Variants in EPB41L5 observed in about 807,000 individuals in gnomAD.
EPB41L5 encodes the protein band 4.1-like protein 5.
EPB41L5 carries 55 observed loss-of-function variants against 106.6 expected under a neutral mutation model. The observed-to-expected ratio is 0.52, with a 90% CI of 0.42 to 0.65. The LOEUF is 0.65. Among genes scored for constraint, EPB41L5 ranks in the 30% least tolerant of loss-of-function variants. EPB41L5 has a pLI of 0.00. For synonymous variants in EPB41L5, 297 were observed against 306.7 expected (o/e 0.97, Z 0.33); for missense variants, 871 against 882.1 (o/e 0.99, Z 0.16).
rs918646541 is a variant in EPB41L5 at position 120,175,728 on chromosome 2, G to A, written c.*821G>A. The A allele has an allele frequency of 6.6e-6, 1 of 152,076 alleles. No homozygotes were observed. Among genetic ancestry groups the A allele is most frequent in the African/African-American group, 2.4e-5 (1 of 41,394 alleles). 9.4% of individuals were successfully genotyped at this position (152,076 alleles called of 1,614,324 possible). ...CAGGCATCTGCACTCCTCCGAGCCC[G>A]GTGGAGAATGCAGGCTGCTGTAGTC... is the stretch of plus-strand genomic sequence containing the variant. On this transcript the variant is annotated 3_prime_UTR_variant, in exon 25 of 25. Transcript: ENST00000263713.
intron 21 of EPB41L5, among the ~76,000 whole-genome samples, chr2:120,163,773 A>G (rs866095627): frequency 5.3e-5 from 8 of 151,356 alleles, no homozygotes; most frequent in Middle Eastern, 3.4e-3. Context: ...TGGGCAACAT[A>G]AGTGAGACCC....
chr2:120,174,756 GCT>G lies in EPB41L5; in HGVS notation c.2136-82_2136-81del, dbSNP rs1474488156. The G allele has an allele frequency of 6.2e-6, 7 of 1,134,208 alleles. No homozygotes were observed. In the African/African-American group the frequency reaches 9.2e-5, roughly 15 times the overall value. 70.3% of individuals were successfully genotyped at this position (1,134,208 alleles called of 1,614,324 possible). On this transcript the variant is annotated intron_variant, in intron 24 of 24. Coordinates refer to ENST00000263713, the MANE Select transcript of EPB41L5 (RefSeq NM_020909.4). ...CTGTAATCTGCTGTACCCTCAAAAT[GCT>G]CTGTGTGGCACTAATGGAGACATGA...
At chr2:120,171,691 C>G (rs1051830011) in intron 24 of EPB41L5, among the ~76,000 whole-genome samples, 5 of 152,206 alleles carry the variant, frequency 3.3e-5, no homozygotes, top group African/African-American at 1.2e-4. Flanking sequence ...ATTTTTGGAT[C>G]CTCTGATGAA....
chr2:120,054,215 T>A (rs913061379), intron 3 of EPB41L5, among the ~76,000 whole-genome samples: 9 of 152,230 alleles, frequency 5.9e-5, no homozygotes, highest in African/African-American at 2.2e-4. Flanking sequence ...TTTGGAGAAA[T>A]GTCTATTCAG....
At chr2:120,143,178 G>A (rs1357948177) in intron 19 of EPB41L5, 47 bp downstream of exon 19, 1 of 1,493,680 alleles carries the variant, frequency 6.7e-7, no homozygotes, top group South Asian at 1.4e-5. Flanking sequence ...AATGAGCATG[G>A]GATGTAGAGA....
chr2:120,051,265 G>GAGGC (rs1680263440), intron 3 of EPB41L5, among the ~76,000 whole-genome samples: 2 of 152,208 alleles, frequency 1.3e-5, no homozygotes, highest in South Asian at 4.1e-4. Flanking sequence ...GGAGTCTACA[G>GAGGC]AGGCAGGCAG....
chr2:120,067,260 T>A (rs1327808819), intron 3 of EPB41L5, among the ~76,000 whole-genome samples: 1 of 152,250 alleles, frequency 6.6e-6, no homozygotes, highest in East Asian at 1.9e-4. Context: ...TTCAGTGAAT[T>A]GCACTTTTGG....
In EPB41L5 at chr2:120,050,447, A is replaced by G. The variant is rs143018169; in HGVS notation, c.285+8337A>G. Among the ~76,000 whole-genome samples the G allele has an allele frequency of 2.6e-5, 4 of 152,296 alleles. No individual in the cohort carries two copies. In the East Asian group the frequency reaches 7.7e-4, roughly 29 times the overall value. On this transcript the variant is annotated intron_variant, in intron 3 of 24. Coordinates refer to ENST00000263713, the MANE Select transcript of EPB41L5 (RefSeq NM_020909.4). ...TGATACCCTTTCTTCCAGTTGATCA[A>G]ATCAGCTACTGAAGCTTGTGCATGC...
chr2:120,079,789 G>GT (rs1480191984), intron 10 of EPB41L5, among the ~76,000 whole-genome samples: 4 of 152,084 alleles, frequency 2.6e-5, no homozygotes, highest in African/African-American at 9.6e-5. Context: ...GTTATCAAGG[G>GT]TTACATTAAA....
In EPB41L5 at chr2:120,178,130, A is replaced by G. The variant is rs2104528263; in HGVS notation, c.*3223A>G. On this transcript the variant is annotated 3_prime_UTR_variant, in exon 25 of 25. Transcript: ENST00000263713. ...CCACTCAGCTCTGCTGGCGCAGTAC[A>G]GCAGCAGCAGCCCCAGCACAGCTGT... 6.5e-6 allele frequency: 1 copy of G among 152,702 alleles called. No homozygotes were observed. Among genetic ancestry groups the G allele is most frequent in the Non-Finnish European group, 1.5e-5 (1 of 68,090 alleles). The allele number at this position is 152,702 out of a possible 1,614,324, so 9.5% of individuals were successfully genotyped here. A position where few individuals can be genotyped will look rare whatever the true frequency, so the allele number is the denominator to read the frequency against.
intron 22 of EPB41L5, among the ~76,000 whole-genome samples, 155 bp downstream of exon 22, chr2:120,165,065 C>G (rs1687331593): frequency 2.0e-5 from 3 of 152,116 alleles, no homozygotes; most frequent in South Asian, 4.1e-4. Flanking sequence ...CCTCTCTGTC[C>G]TAAAATTTTA....
chr2:120,026,982 G>A (rs1412718598), intron 2 of EPB41L5, among the ~76,000 whole-genome samples: 3 of 152,146 alleles, frequency 2.0e-5, no homozygotes, highest in African/African-American at 2.4e-5. Flanking sequence ...AGTCATCACA[G>A]AAATGCAAAA....
intron 13 of EPB41L5, among the ~76,000 whole-genome samples, chr2:120,092,835 AAGG>A (rs1234801125): frequency 1.3e-5 from 2 of 152,232 alleles, no homozygotes; most frequent in East Asian, 1.9e-4. Flanking sequence ...TTCTGTTTAA[AAGG>A]AGGAGATATA....
chr2:120,148,191 C>G (rs1003756835), intron 20 of EPB41L5, among the ~76,000 whole-genome samples: 2 of 151,972 alleles, frequency 1.3e-5, no homozygotes, highest in African/African-American at 4.8e-5. Context: ...CCACAAAATT[C>G]ACTCTTTAAA....
At chr2:120,128,790 A>G (rs1008875751) in intron 17 of EPB41L5, among the ~76,000 whole-genome samples, 1 of 151,358 alleles carries the variant, frequency 6.6e-6, no homozygotes, top group Admixed American at 6.6e-5. Context: ...AACTTATTAT[A>G]TTGGTAATTT....
In EPB41L5 at chr2:120,146,300, G is replaced by A. The variant is rs1464356443; in HGVS notation, c.1793+11G>A. 1 of 1,591,910 alleles carries A rather than the reference G, an allele frequency of 6.3e-7. No individual in the cohort carries two copies. Among genetic ancestry groups the A allele is most frequent in the East Asian group, 2.2e-5 (1 of 44,606 alleles). On this transcript the variant is annotated intron_variant, in intron 20 of 24. Transcript: ENST00000263713. Reference sequence around the variant, plus strand: ...TGCTGCCACAAACAGGTACAGTTCTGGGTAGACTGAATTAAATTGATGTTC... The same window carrying A: ...TGCTGCCACAAACAGGTACAGTTCTAGGTAGACTGAATTAAATTGATGTTC...
At chr2:120,036,219 T>C (rs1408173366) in intron 2 of EPB41L5, among the ~76,000 whole-genome samples, 1 of 152,170 alleles carries the variant, frequency 6.6e-6, no homozygotes, top group Non-Finnish European at 1.5e-5. Context: ...CACCAAACTC[T>C]TAGAGAGCAG....
chr2:120,034,192 T>G (rs990220940), intron 2 of EPB41L5, among the ~76,000 whole-genome samples: 2 of 152,222 alleles, frequency 1.3e-5, no homozygotes, highest in Non-Finnish European at 2.9e-5. Flanking sequence ...GAGGAGTCAA[T>G]GTATAACCTT....
intron 17 of EPB41L5, 51 bp downstream of exon 17, chr2:120,127,902 A>C: frequency 7.0e-7 from 1 of 1,433,008 alleles, no homozygotes; most frequent in Non-Finnish European, 9.4e-7. Flanking sequence ...TCTTCCTTTG[A>C]AATAAGATAT....
Sources: allele counts gnomAD v4.1 joint callset (sites outside exome capture counted in the v4.1 genomes callset), GRCh38; gene constraint gnomAD v4.1.1; transcripts MANE v1.5; gene names NCBI Gene and HGNC (gene_info 2026-07-23, HGNC 2026-07-21).